The following SNX14 variants were observed in gnomAD, a reference collection of about 807,000 sequenced individuals.
SNX14 encodes sorting nexin-14.
A neutral mutation model predicts 133.8 loss-of-function variants in SNX14; 93 were observed. The ratio of observed to expected loss-of-function variants is 0.70; its 90% CI spans 0.59 to 0.83. The LOEUF (loss-of-function observed/expected upper bound fraction) is 0.83, where lower values mean the gene tolerates loss of function less well. Ranked by LOEUF, SNX14 falls within the 40% of genes least tolerant of loss-of-function variation. The pLI is 0.00. For missense variants in SNX14, 945 were observed against 1,094.9 expected (o/e 0.86, Z 1.93); for synonymous variants, 368 against 365.6 (o/e 1.01, Z -0.07).
intron 7 of SNX14, among the ~76,000 whole-genome samples, chr6:85,556,431 G>C (rs1582899186): frequency 1.3e-5 from 2 of 148,752 alleles, no homozygotes; most frequent in Admixed American, 6.7e-5. Flanking sequence ...AATTTAAAAA[G>C]AAAAAGAAAG....
chr6:85,586,900 G>C (rs12202210), intron 1 of SNX14, among the ~76,000 whole-genome samples: 1 of 152,118 alleles, frequency 6.6e-6, no homozygotes, highest in African/African-American at 2.4e-5. Context: ...ACAAAAATTA[G>C]CCAGGCATGA....
In SNX14 at chr6:85,558,001, T is replaced by G; in HGVS notation, c.609A>C (p.Glu203Asp). 1 of 1,594,980 alleles carries G rather than the reference T, an allele frequency of 6.3e-7. No individual in the cohort carries two copies. Among genetic ancestry groups the G allele is most frequent in the Non-Finnish European group, 8.6e-7 (1 of 1,165,398 alleles). The change falls in exon 7 of 29, where the codon GAA (glutamate) becomes GAC (aspartate). Residue 203 changes from glutamate to aspartate, a missense_variant. By Grantham distance (45) the Glu-to-Asp change is conservative (BLOSUM62 2). Coordinates refer to ENST00000314673, the MANE Select transcript of SNX14 (RefSeq NM_153816.6). ...CTTTCTGTCTGGCTTTAACTATCAC[T>G]TCTATATGCTTCATTGCTGCTTTTA... ...KLLKAAMKHI[E>D]VIVKARQKVK...
intron 15 of SNX14, among the ~76,000 whole-genome samples, chr6:85,540,139 T>C (rs1367073333): frequency 2.0e-5 from 3 of 152,030 alleles, no homozygotes. Flanking sequence ...TTTTTGTATT[T>C]TTAGCAGAGA....
chr6:85,553,934 A>T (rs147030274), intron 7 of SNX14, among the ~76,000 whole-genome samples: 143 of 152,318 alleles, frequency 9.4e-4, no homozygotes, highest in Middle Eastern at 3.4e-3. Context: ...TCTACTCAGC[A>T]CCTGTCAGAC....
intron 15 of SNX14, among the ~76,000 whole-genome samples, chr6:85,539,150 A>G (rs1373133960): frequency 2.6e-5 from 4 of 152,208 alleles, no homozygotes; most frequent in African/African-American, 9.6e-5. Context: ...AAAATTAAAT[A>G]TATCAGGAAA....
chr6:85,560,799 C>A (rs530292112), intron 6 of SNX14, among the ~76,000 whole-genome samples: 8 of 150,830 alleles, frequency 5.3e-5, no homozygotes, highest in Non-Finnish European at 7.4e-5. Flanking sequence ...TTTGGGAGAC[C>A]GAGGTGGGTG....
rs747289321 is a variant in SNX14, at chr6:85,549,621, A to ATTTT, written c.791+101_791+102insAAAA. 6,031 of 935,132 alleles carry ATTTT rather than the reference A, an allele frequency of 6.4e-3. 32 individuals are homozygous for ATTTT. The highest frequency in any genetic ancestry group is 0.027 in the Middle Eastern group (71 of 2,654). 57.9% of individuals were successfully genotyped at this position (935,132 alleles called of 1,614,324 possible). On this transcript the variant is annotated intron_variant, in intron 8 of 28. Transcript: ENST00000314673. ...TTTTTTCAAATGAAAAGCTATTCATAGGCTAACCTCAAATTTTAGCATATG... is the reference window on the plus strand; with the variant it reads ...TTTTTTCAAATGAAAAGCTATTCATATTTTGGCTAACCTCAAATTTTAGCATATG...
intron 17 of SNX14, among the ~76,000 whole-genome samples, chr6:85,536,503 G>A (rs928851514): frequency 1.4e-4 from 22 of 152,088 alleles, no homozygotes; most frequent in African/African-American, 4.8e-4. Context: ...ACCAAAAGAC[G>A]GTAAACTGCT....
At chr6:85,590,623 C>A (rs1002410002) in intron 1 of SNX14, among the ~76,000 whole-genome samples, 1 of 152,154 alleles carries the variant, frequency 6.6e-6, no homozygotes, top group African/African-American at 2.4e-5. Flanking sequence ...TCAAACTATC[C>A]TTTGCTGGCA....
chr6:85,588,938 T>G (rs1256311848), intron 1 of SNX14: 1 of 454,200 alleles, frequency 2.2e-6, no homozygotes, highest in Non-Finnish European at 4.4e-6. Context: ...AGAGGAGGGG[T>G]TGGTCTTGCT....
At chr6:85,588,690 C>T (rs756978838) in intron 1 of SNX14, among the ~76,000 whole-genome samples, 15 of 152,254 alleles carry the variant, frequency 9.9e-5, no homozygotes, top group African/African-American at 3.1e-4. Context: ...CTTTTTACTC[C>T]CCCAAAACTT....
At position 85,508,042 on chromosome 6, in the gene SNX14, T is replaced by C. The variant is rs1562165565; in HGVS notation, c.2671A>G (p.Ile891Val). The change falls in exon 27 of 29, where the codon ATT becomes GTT. Residue 891 changes from isoleucine to valine, a missense_variant. Ile to Val is a conservative substitution (Grantham distance 29, BLOSUM62 3). Transcript: ENST00000314673. The part of the protein sequence containing the change: ...NYIPDLLVKC[I>V]GEETKYESIR... ...CTTTCATACTTGGTTTCTTCACCAATACACTTGACTAACAGATCTAAACAA... is the reference window on the plus strand; with the variant it reads ...CTTTCATACTTGGTTTCTTCACCAACACACTTGACTAACAGATCTAAACAA... The C allele has an allele frequency of 6.2e-7, 1 of 1,612,882 alleles. No homozygotes were observed. Among genetic ancestry groups the C allele is most frequent in the South Asian group, 1.1e-5 (1 of 90,932 alleles).
intron 1 of SNX14, among the ~76,000 whole-genome samples, chr6:85,578,043 G>C (rs1038189776): frequency 2.1e-4 from 32 of 152,118 alleles, no homozygotes; most frequent in Non-Finnish European, 7.4e-5. Context: ...AGTAACTGGA[G>C]GGGGAGAGTA....
chr6:85,592,896 C>T (rs1254822440), intron 1 of SNX14, among the ~76,000 whole-genome samples: 1 of 151,938 alleles, frequency 6.6e-6, no homozygotes, highest in Non-Finnish European at 1.5e-5. Flanking sequence ...CGCCTGTAGC[C>T]CCAGCTACTC....
At chr6:85,574,191 C>A in intron 2 of SNX14, 67 bp downstream of exon 2, 1 of 1,216,876 alleles carries the variant, frequency 8.2e-7, no homozygotes. Flanking sequence ...CTTTAGCAGG[C>A]TTTCAAATAA....
chr6:85,561,838 T>C (rs888648104), intron 6 of SNX14, among the ~76,000 whole-genome samples: 35 of 151,868 alleles, frequency 2.3e-4, no homozygotes, highest in Non-Finnish European at 4.9e-4. Flanking sequence ...TTTTTTTTTT[T>C]CCTTTTTCTT....
intron 23 of SNX14, among the ~76,000 whole-genome samples, chr6:85,515,940 C>T (rs1774808591): frequency 6.6e-6 from 1 of 152,054 alleles, no homozygotes. Context: ...CATCTGTTGA[C>T]AATAATCACT....
intron 15 of SNX14, among the ~76,000 whole-genome samples, chr6:85,541,324 G>C (rs1157278418): frequency 1.3e-5 from 2 of 152,120 alleles, no homozygotes; most frequent in Admixed American, 6.5e-5. Context: ...ATTCAGAATA[G>C]CTTTGTTGAT....
rs1358259793 is a variant in SNX14 at position 85,517,777 on chromosome 6, A to G, written c.2247T>C (p.Pro749=). 2 of 1,600,980 alleles carry G rather than the reference A, an allele frequency of 1.2e-6. No homozygotes were observed. The highest frequency in any genetic ancestry group is 3.6e-5 in the Admixed American group (2 of 55,906). ...PSRPELTILS[P]TSENNKKLFN... is the part of the protein sequence containing the mutation. The stretch of plus-strand genomic sequence containing the variant: ...GTACCTTCTTGTTGTTTTCTGAAGT[A>G]GGGCTGAGAATGGTCAGTTCTGGTC... The change falls in exon 23 of 29, where the codon CCT becomes CCC. Residue 749 remains proline, a synonymous_variant. Transcript: ENST00000314673.
Sources: allele counts gnomAD v4.1 joint callset (sites outside exome capture counted in the v4.1 genomes callset), GRCh38; gene constraint gnomAD v4.1.1; transcripts MANE v1.5; gene names NCBI Gene and HGNC (gene_info 2026-07-23, HGNC 2026-07-21).